Variants in TXLNA observed in about 807,000 individuals in gnomAD.
The protein encoded by TXLNA is taxilin alpha.
In TXLNA, 9 loss-of-function variants were observed where a neutral mutation model predicts 61.4. The observed-to-expected ratio is 0.15, with a 90% CI of 0.09 to 0.26. TXLNA has a LOEUF of 0.26. Ranked by LOEUF, TXLNA falls within the 10% of genes least tolerant of loss-of-function variation. The probability of loss-of-function intolerance (pLI) is 1.00; values close to 1 mark genes in which losing one functional copy is unlikely to be tolerated. For missense variants in TXLNA, 565 were observed against 688.8 expected, an observed-to-expected ratio of 0.82 and a Z score of 2.01; for synonymous variants, 257 against 267.7, an observed-to-expected ratio of 0.96 and a Z score of 0.39.
rs1642605610 is a variant in TXLNA at position 32,179,697 on chromosome 1, A to T, written c.-112A>T. 1 of 152,250 alleles carries T rather than the reference A, an allele frequency of 6.6e-6. No individual in the cohort carries two copies. The highest frequency in any genetic ancestry group is 2.1e-4 in the South Asian group (1 of 4,830). The allele number at this position is 152,250 out of a possible 1,614,324, so 9.4% of individuals were successfully genotyped here. On this transcript the variant is annotated 5_prime_UTR_variant, in exon 1 of 11. Transcript: ENST00000373610. Reference sequence around the variant, plus strand: ...GCTATTGATTGGCTGAGGCGGGAGCAGGCGGCTGGCCGGCAGCAGTTACTC... The same window carrying T: ...GCTATTGATTGGCTGAGGCGGGAGCTGGCGGCTGGCCGGCAGCAGTTACTC...
chr1:32,194,154 TGAG>T lies in TXLNA; in HGVS notation c.1346_1347+1del. Reference sequence around the variant, plus strand: ...GCAACAAGGCCCTGCTTGAGATGGCTGAGGAGGTGGGCTGTCTGTGATCTGCAG... The same window carrying T: ...GCAACAAGGCCCTGCTTGAGATGGCTGAGGTGGGCTGTCTGTGATCTGCAG... On this transcript the variant is annotated inframe_deletion, in exon 10 of 11. Transcript: ENST00000373610. 1 of 1,613,584 alleles carries T rather than the reference TGAG, an allele frequency of 6.2e-7. No individual in the cohort carries two copies. The highest frequency in any genetic ancestry group is 8.5e-7 in the Non-Finnish European group (1 of 1,179,746).
Position 32,188,090 on chromosome 1 carries a change from G to A in TXLNA, c.734G>A (p.Cys245Tyr). The A allele has an allele frequency of 6.3e-7, 1 of 1,579,018 alleles. No homozygotes were observed. Among genetic ancestry groups the A allele is most frequent in the Admixed American group, 1.8e-5 (1 of 54,168 alleles). The change falls in exon 5 of 11, where the codon TGC (cysteine) becomes TAC (tyrosine). Residue 245 changes from cysteine to tyrosine, a missense_variant. Transcript: ENST00000373610. ...GCCCGCAGCAAGCTTGAGAGCCTAT[G>A]CCGTGAGCTGCAGCGGCACAACCGC... Reference protein sequence around the residue: ...VLARSKLESLCRELQRHNRSL... With the variant: ...VLARSKLESLYRELQRHNRSL...
chr1:32,194,185 A>G, intron 10 of TXLNA, 25 bp downstream of exon 10: 1 of 1,597,588 alleles, frequency 6.3e-7, no homozygotes, highest in Non-Finnish European at 8.6e-7. Context: ...ATCTGCAGCC[A>G]GGGTGGGGGT....
In TXLNA at chr1:32,181,388, G is replaced by A. The variant is rs1314818346; in HGVS notation, c.316G>A (p.Glu106Lys). Residue 106 changes from glutamate (E) to lysine (K), a missense_variant, in exon 3 of 11, where the codon GAA (glutamate) becomes AAA (lysine). Transcript: ENST00000373610. ...GGATGGGGCACAGGGTGAGCCGGCTGAACCCGAAGATGCAGAGAAGTCCCG... is the reference window on the plus strand; with the variant it reads ...GGATGGGGCACAGGGTGAGCCGGCTAAACCCGAAGATGCAGAGAAGTCCCG... Reference protein sequence around the residue: ...GEDGAQGEPAEPEDAEKSRTY... With the variant: ...GEDGAQGEPAKPEDAEKSRTY... 1.2e-6 allele frequency: 2 copies of A among 1,614,202 alleles called. No homozygotes were observed. Among genetic ancestry groups the A allele is most frequent in the South Asian group, 2.2e-5 (2 of 91,080 alleles).
rs1440647089 is a variant in TXLNA, at chr1:32,194,101, A to G, written c.1288A>G (p.Thr430Ala). 1 of 1,613,446 alleles carries G rather than the reference A, an allele frequency of 6.2e-7. No homozygotes were observed. Among genetic ancestry groups the G allele is most frequent in the Non-Finnish European group, 8.5e-7 (1 of 1,179,772 alleles). ...GATCAAGAAGCTGGAGAAAGAAACCACCATGTACCGGTCCCGGTGGGAGAG... is the reference window on the plus strand; with the variant it reads ...GATCAAGAAGCTGGAGAAAGAAACCGCCATGTACCGGTCCCGGTGGGAGAG... ...KKIKKLEKET[T>A]MYRSRWESSN... Residue 430 changes from threonine (T) to alanine (A), a missense_variant, in exon 10 of 11, where the codon ACC becomes GCC. By Grantham distance (58) the Thr-to-Ala change is moderately conservative. Transcript: ENST00000373610.
intron 1 of TXLNA, 137 bp from the exon 2 acceptor site, chr1:32,180,177 G>C: frequency 1.1e-6 from 1 of 882,312 alleles, no homozygotes; most frequent in Non-Finnish European, 1.7e-6. Flanking sequence ...CAAGACCAGA[G>C]AGCCGTTGGC....
Position 32,195,186 on chromosome 1 carries a change from C to G in TXLNA, c.1632C>G (p.Ala544=), listed in dbSNP as rs540969835. ...GQTGPQEPTS[A]RA ...CTGGGCCTCAAGAGCCCACCTCCGC[C>G]AGGGCCTAGAGAGCCTGGTGTTGGG... is the stretch of plus-strand genomic sequence containing the variant. The change falls in exon 11 of 11, where the codon GCC becomes GCG. Residue 544 remains alanine (A), a synonymous_variant. Transcript: ENST00000373610. 4.4e-6 allele frequency: 7 copies of G among 1,597,868 alleles called. No homozygotes were observed. The Admixed American group carries it at 1.0e-4, about 24-fold the overall frequency.
intron 10 of TXLNA, 48 bp downstream of exon 10, chr1:32,194,208 C>T: frequency 6.8e-7 from 1 of 1,467,944 alleles, no homozygotes. Context: ...GCACTTAGCG[C>T]ATATCAGGCC....
At chr1:32,182,059 A>G (rs994238339) in intron 3 of TXLNA, among the ~76,000 whole-genome samples, 2 of 150,340 alleles carry the variant, frequency 1.3e-5, no homozygotes, top group South Asian at 2.1e-4. Context: ...CAGCTAGCCA[A>G]CTGAGAGCAG....
At chr1:32,185,007 C>G (rs900684506) in intron 4 of TXLNA, among the ~76,000 whole-genome samples, 1 of 152,196 alleles carries the variant, frequency 6.6e-6, no homozygotes, top group Non-Finnish European at 1.5e-5. Context: ...GTCACTGCCT[C>G]CTCATATTCC....
In TXLNA at chr1:32,189,914, C is replaced by T. The variant is rs572580470; in HGVS notation, c.769-141C>T. 4 of 800,352 alleles carry T rather than the reference C, an allele frequency of 5.0e-6. No individual in the cohort carries two copies. The Admixed American group carries it at 1.1e-4, about 23-fold the overall frequency. 49.6% of individuals were successfully genotyped at this position (800,352 alleles called of 1,614,324 possible). A position where few individuals can be genotyped will look rare whatever the true frequency, so the allele number is the denominator to read the frequency against. On this transcript the variant is annotated intron_variant, in intron 5 of 10. Coordinates refer to ENST00000373610, the MANE Select transcript of TXLNA (RefSeq NM_175852.4). ...ATACAGAGGGGCCCATTGGAACCCG[C>T]ATTGCACAACATCCTGGAGTCTGGC...
rs35693792 is a variant in TXLNA, at chr1:32,182,098, C to CTTTTTTT, written c.505+538_505+544dup. ...AAACTACAGGCTGGGTGCAGTCAGG[C>CTTTTTTT]TTTTTTTTTTTTTTTTTTTTTTTAA... On this transcript the variant is annotated intron_variant, in intron 3 of 10. Transcript: ENST00000373610. Among the ~76,000 whole-genome samples the CTTTTTTT allele has an allele frequency of 9.6e-3, 976 of 101,638 alleles. 19 individuals carry two copies. The highest frequency in any genetic ancestry group is 0.021 in the South Asian group (52 of 2,476). The allele number at this position is 101,638 out of a possible 152,430, so 66.7% of individuals were successfully genotyped here.
In TXLNA at chr1:32,195,569, C is replaced by T. The variant is rs184794143; in HGVS notation, c.*374C>T. The T allele has an allele frequency of 3.5e-5, 14 of 400,942 alleles. No homozygotes were observed. The Admixed American group carries it at 3.6e-4, about 10-fold the overall frequency. 24.8% of individuals were successfully genotyped at this position (400,942 alleles called of 1,614,324 possible). On this transcript the variant is annotated 3_prime_UTR_variant, in exon 11 of 11. Transcript: ENST00000373610. ...TGTCTGATTTGAGGCTCAGACCCCT[C>T]CCTGCCCTTCAGAGCTCAAGACAAG...
chr1:32,188,019 G>A lies in TXLNA; in HGVS notation c.663G>A (p.Val221=). The A allele has an allele frequency of 1.2e-6, 2 of 1,613,150 alleles. No homozygotes were observed. Among genetic ancestry groups the A allele is most frequent in the African/African-American group, 1.3e-5 (1 of 75,044 alleles). ...TACAGAAAAAGCAGAGCCAGCTGGT[G>A]CAAGAGAAGGACCACCTGCGCGGTG... ...KLLQKKQSQL[V]QEKDHLRGEH... Residue 221 remains valine (V), a synonymous_variant, in exon 5 of 11, where the codon GTG becomes GTA. Coordinates refer to ENST00000373610, the MANE Select transcript of TXLNA (RefSeq NM_175852.4).
chr1:32,183,333 C>T lies in TXLNA; in HGVS notation c.506-1192C>T, dbSNP rs533900213. Among the ~76,000 whole-genome samples, 14 of 148,832 alleles carry T rather than the reference C, an allele frequency of 9.4e-5. No individual in the cohort carries two copies. In the South Asian group the frequency reaches 1.7e-3, roughly 18 times the overall value. On this transcript the variant is annotated intron_variant, in intron 3 of 10. Coordinates refer to ENST00000373610, the MANE Select transcript of TXLNA (RefSeq NM_175852.4). ...TAGTGACAGGGTTTCACTGTGTTAG[C>T]CAGGATAGTCTCGATCTCCTGACCT...
At position 32,195,076 on chromosome 1, in the gene TXLNA, C is replaced by T. The variant is rs368774334; in HGVS notation, c.1522C>T (p.Pro508Ser). ...TGGCCCTGAGAGGAGGCCAGAGGGG[C>T]CTGGGGCTCAAGCACCCAGCTCCCC... ...DSGPERRPEG[P>S]GAQAPSSPRV... The change falls in exon 11 of 11, where the codon CCT becomes TCT. Residue 508 changes from proline (P) to serine (S), a missense_variant. Around this residue, in one of 2 missense-constraint regions of TXLNA, gnomAD observed 373 missense variants for 504.0 expected, o/e 0.74. Coordinates refer to ENST00000373610, the MANE Select transcript of TXLNA (RefSeq NM_175852.4). 3.2e-5 allele frequency: 52 copies of T among 1,614,004 alleles called. No individual in the cohort carries two copies. The African/African-American group carries it at 6.8e-4, about 21-fold the overall frequency.
In TXLNA at chr1:32,189,607, C is replaced by T. The variant is rs538739921; in HGVS notation, c.769-448C>T. 4.2e-3 allele frequency among the ~76,000 whole-genome samples: 634 copies of T among 151,260 alleles called. 2 individuals are homozygous for T. Among genetic ancestry groups the T allele is most frequent in the Non-Finnish European group, 6.4e-3 (437 of 67,840 alleles). Reference sequence around the variant, plus strand: ...TCGCCCAGGCTGGAGTGCAGTGGCGCGATCATAGCTCACCACAACCTCCGC... The same window carrying T: ...TCGCCCAGGCTGGAGTGCAGTGGCGTGATCATAGCTCACCACAACCTCCGC... On this transcript the variant is annotated intron_variant, in intron 5 of 10. Coordinates refer to ENST00000373610, the MANE Select transcript of TXLNA (RefSeq NM_175852.4).
At position 32,180,530 on chromosome 1, in the gene TXLNA, G is replaced by A. The variant is rs747752961; in HGVS notation, c.169+16G>A. 1.6e-5 allele frequency: 25 copies of A among 1,580,434 alleles called. No individual in the cohort carries two copies. In the Admixed American group the frequency reaches 4.5e-4, roughly 28 times the overall value. On this transcript the variant is annotated intron_variant, in intron 2 of 10. Coordinates refer to ENST00000373610, the MANE Select transcript of TXLNA (RefSeq NM_175852.4). ...AAGCCGGAGGGTGTGTGCCAGCTCT[G>A]CGTTGCCAGCGGGCAGGGGGAGGAG... is the stretch of plus-strand genomic sequence containing the variant.
Position 32,184,571 on chromosome 1 carries a change from C to T in TXLNA, c.552C>T (p.Thr184=). The T allele has an allele frequency of 1.2e-6, 2 of 1,613,768 alleles. No individual in the cohort carries two copies. The highest frequency in any genetic ancestry group is 1.7e-6 in the Non-Finnish European group (2 of 1,179,730). The change falls in exon 4 of 11, where the codon ACC becomes ACT. Residue 184 remains threonine, a synonymous_variant. Coordinates refer to ENST00000373610, the MANE Select transcript of TXLNA (RefSeq NM_175852.4). ...LLMQTLNTLS[T]PEEKLAALCK... Reference sequence around the variant, plus strand: ...TGCAGACATTGAATACTCTGAGTACCCCAGAGGAGAAGCTGGCTGCTCTGT... The same window carrying T: ...TGCAGACATTGAATACTCTGAGTACTCCAGAGGAGAAGCTGGCTGCTCTGT...
Sources: gnomAD v4.1 joint callset for allele counts (sites outside exome capture counted in the v4.1 genomes callset) on GRCh38, gnomAD v4.1.1 for gene constraint, gnomAD v4.1.1 regional missense constraint, MANE v1.5 for transcripts, NCBI Gene and HGNC (gene_info 2026-07-23, HGNC 2026-07-21) for gene names.